The following KRT84 variants were observed in gnomAD, a reference collection of about 807,000 sequenced individuals.
The protein encoded by KRT84 is keratin, type II cuticular Hb4.
A neutral mutation model predicts 49.0 loss-of-function variants in KRT84; 38 were observed. The observed-to-expected ratio is 0.78, with a 90% CI of 0.60 to 1.02. The LOEUF (loss-of-function observed/expected upper bound fraction) is 1.02, where lower values mean the gene tolerates loss of function less well. KRT84 is among the 50% of genes least tolerant of loss of function. The probability of loss-of-function intolerance (pLI) is 0.00; values close to 1 mark genes in which losing one functional copy is unlikely to be tolerated. For missense variants in KRT84, 860 were observed against 788.6 expected (o/e 1.09, Z -1.08); for synonymous variants, 334 against 312.8 (o/e 1.07, Z -0.72).
intron 3 of KRT84, 71 bp from the exon 4 acceptor site, chr12:52,382,603 A>G (rs1939504680): frequency 7.8e-7 from 1 of 1,277,718 alleles, no homozygotes; most frequent in African/African-American, 1.5e-5. Flanking sequence ...GTGTCTGGAG[A>G]TGGGTGCAAA....
chr12:52,385,597 G>C lies in KRT84; in HGVS notation c.-12C>G, dbSNP rs1455225762. On this transcript the variant is annotated 5_prime_UTR_variant, in exon 1 of 9. Transcript: ENST00000257951. ...GAGCGGCAAGACATGATGGCTTCCT[G>C]GTTGGGAGCAAAAGAGCAAGTGTAG... 3.1e-6 allele frequency: 5 copies of C among 1,609,304 alleles called. No individual in the cohort carries two copies. Among genetic ancestry groups the C allele is most frequent in the Non-Finnish European group, 4.2e-6 (5 of 1,177,464 alleles).
At chr12:52,383,172 G>A in intron 2 of KRT84, 107 bp from the exon 3 acceptor site, 2 of 878,206 alleles carry the variant, frequency 2.3e-6, no homozygotes, top group East Asian at 2.4e-5. Flanking sequence ...CAGGATCATG[G>A]TTCCCTATTG....
Position 52,378,030 on chromosome 12 carries a change from GCT to G in KRT84, c.*2_*3del. 6.9e-7 allele frequency: 1 copy of G among 1,455,772 alleles called. No individual in the cohort carries two copies. Among genetic ancestry groups the G allele is most frequent in the Non-Finnish European group, 9.1e-7 (1 of 1,104,676 alleles). The allele number at this position is 1,455,772 out of a possible 1,614,324, so 90.2% of individuals were successfully genotyped here. A position where few individuals can be genotyped will look rare whatever the true frequency, so the allele number is the denominator to read the frequency against. On this transcript the variant is annotated 3_prime_UTR_variant, in exon 9 of 9. Transcript: ENST00000257951. ...CTGGGCAGCAGCTGTCTGGGGCTGG[GCT>G]CTCAGTACTTGGTCCGGCAGGAGGT...
At chr12:52,381,684 A>T (rs946567665) in intron 4 of KRT84, among the ~76,000 whole-genome samples, 159 bp from the exon 5 acceptor site, 5 of 152,190 alleles carry the variant, frequency 3.3e-5, no homozygotes, top group Non-Finnish European at 7.3e-5. Context: ...AGAAAAAGAC[A>T]TGTCTGAGAA....
intron 8 of KRT84, among the ~76,000 whole-genome samples, 158 bp from the exon 9 acceptor site, chr12:52,378,538 CT>C (rs1939427241): frequency 6.6e-6 from 1 of 152,358 alleles, no homozygotes; most frequent in African/African-American, 2.4e-5. Flanking sequence ...TCAGTATACA[CT>C]TTTTCCCTCT....
chr12:52,386,697 G>C (rs965792876), upstream of KRT84, among the ~76,000 whole-genome samples: 3 of 152,048 alleles, frequency 2.0e-5, no homozygotes, highest in African/African-American at 4.8e-5. Context: ...ATGAATCTTT[G>C]GTTAGGATAG....
rs537172708 is a variant in KRT84, at chr12:52,383,628, C to A, written c.717G>T (p.Arg239Ser). ...VSDQARLQAE[R>S]NHLQDVLEGF... ...CCTCTAGGACATCCTGCAGGTGGTTCCTCTCAGCCTGGAGCCGGGCCTGAT... is the reference window on the plus strand; with the variant it reads ...CCTCTAGGACATCCTGCAGGTGGTTACTCTCAGCCTGGAGCCGGGCCTGAT... The change falls in exon 2 of 9, where the codon AGG (arginine) becomes AGT (serine). Residue 239 changes from arginine (R) to serine (S), a missense_variant. Coordinates refer to ENST00000257951, the MANE Select transcript of KRT84 (RefSeq NM_033045.4). 1 of 1,613,750 alleles carries A rather than the reference C, an allele frequency of 6.2e-7. No homozygotes were observed. Among genetic ancestry groups the A allele is most frequent in the Admixed American group, 1.7e-5 (1 of 60,026 alleles).
rs753078744 is a variant in KRT84, at chr12:52,381,408, C to A, written c.1030G>T (p.Val344Leu). 14 of 1,614,198 alleles carry A rather than the reference C, an allele frequency of 8.7e-6. No homozygotes were observed. The South Asian group carries it at 1.2e-4, about 14-fold the overall frequency. ...IAEVKAQYEE[V>L]ARRSRADAEA... ...GCATCAGCCCGGCTGCGCCTGGCCA[C>A]CTCCTCATACTGGGCCTTGACCTCA... The change falls in exon 5 of 9, where the codon GTG becomes TTG. Residue 344 changes from valine to leucine, a missense_variant. Coordinates refer to ENST00000257951, the MANE Select transcript of KRT84 (RefSeq NM_033045.4).
chr12:52,378,424 C>T, intron 8 of KRT84, 44 bp from the exon 9 acceptor site: 1 of 1,388,588 alleles, frequency 7.2e-7, no homozygotes, highest in Non-Finnish European at 9.4e-7. Context: ...ACACCAGGGC[C>T]CTCCACCTCC....
intron 8 of KRT84, among the ~76,000 whole-genome samples, chr12:52,379,495 C>A (rs1422963864): frequency 6.6e-6 from 1 of 152,190 alleles, no homozygotes; most frequent in African/African-American, 2.4e-5. Flanking sequence ...TTCCATTTGG[C>A]CTTATTGCGT....
rs138666354 is a variant in KRT84 at position 52,383,644 on chromosome 12, C to T, written c.701G>A (p.Arg234Gln). The T allele has an allele frequency of 3.9e-3, 6,356 of 1,614,020 alleles. 12 individuals are homozygous for T. Among genetic ancestry groups the T allele is most frequent in the Non-Finnish European group, 4.9e-3 (5,760 of 1,180,044 alleles). Residue 234 changes from arginine to glutamine, a missense_variant, in exon 2 of 9, where the codon CGG (arginine) becomes CAG (glutamine). By Grantham distance (43) the Arg-to-Gln change is conservative. Coordinates refer to ENST00000257951, the MANE Select transcript of KRT84 (RefSeq NM_033045.4). The part of the protein sequence containing the change: ...QLEVLVSDQA[R>Q]LQAERNHLQD... ...CAGGTGGTTCCTCTCAGCCTGGAGC[C>T]GGGCCTGATCACTGACCAGCACCTC...
Position 52,378,317 on chromosome 12 carries a change from A to C in KRT84, c.1520T>G (p.Leu507Arg). 1 of 1,533,248 alleles carries C rather than the reference A, an allele frequency of 6.5e-7. No individual in the cohort carries two copies. The highest frequency in any genetic ancestry group is 8.8e-7 in the Non-Finnish European group (1 of 1,142,834). The allele number at this position is 1,533,248 out of a possible 1,614,324, so 95.0% of individuals were successfully genotyped here. Residue 507 changes from leucine (L) to arginine (R), a missense_variant, in exon 9 of 9, where the codon CTC becomes CGC. Physicochemically the swap from Leu to Arg is moderately radical, Grantham distance 102. Coordinates refer to ENST00000257951, the MANE Select transcript of KRT84 (RefSeq NM_033045.4). ...GPEPLVAGST[L>R]SRGGVTFSGS... The stretch of plus-strand genomic sequence containing the variant: ...TGAGAAGGTGACCCCGCCGCGGGAG[A>C]GGGTGGAGCCGGCAACCAAAGGCTC...
In KRT84 at chr12:52,378,417, C is replaced by T. The variant is rs901253101; in HGVS notation, c.1457-37G>A. On this transcript the variant is annotated intron_variant, in intron 8 of 8. Transcript: ENST00000257951. ...GAAAGCATCAGGGAGGCTGCCGACA[C>T]CAGGGCCCTCCACCTCCATGCTACC... The T allele has an allele frequency of 7.1e-6, 10 of 1,406,026 alleles. No homozygotes were observed. The African/African-American group carries it at 1.3e-4, about 19-fold the overall frequency. 87.1% of individuals were successfully genotyped at this position (1,406,026 alleles called of 1,614,324 possible).
At position 52,385,270 on chromosome 12, in the gene KRT84, C is replaced by G; in HGVS notation, c.316G>C (p.Gly106Arg). Residue 106 changes from glycine (G) to arginine (R), a missense_variant, in exon 1 of 9, where the codon GGC (glycine) becomes CGC (arginine). Coordinates refer to ENST00000257951, the MANE Select transcript of KRT84 (RefSeq NM_033045.4). ...GPRADSCVGL[G>R]FGAGSGIGYG... ...CCAATGCCACTGCCAGCTCCAAAGC[C>G]CAGACCAACACAGCTGTCAGCCCTA... The G allele has an allele frequency of 1.2e-6, 2 of 1,614,126 alleles. No homozygotes were observed. Among genetic ancestry groups the G allele is most frequent in the East Asian group, 2.2e-5 (1 of 44,874 alleles).
rs369607220 is a variant in KRT84, at chr12:52,378,074, C to A, written c.1763G>T (p.Arg588Leu). Reference sequence around the variant, plus strand: ...GCAGGAGGTGGTGGTGGACACAAAGCGGACGCTGGAGCTGCGGCCGCCGCT... The same window carrying A: ...GCAGGAGGTGGTGGTGGACACAAAGAGGACGCTGGAGCTGCGGCCGCCGCT... ...SCSGGRSSSV[R>L]FVSTTTSCRT... The change falls in exon 9 of 9, where the codon CGC (arginine) becomes CTC (leucine). Residue 588 changes from arginine (R) to leucine (L), a missense_variant. Arg to Leu is a moderately radical substitution (Grantham distance 102). Coordinates refer to ENST00000257951, the MANE Select transcript of KRT84 (RefSeq NM_033045.4). The A allele has an allele frequency of 1.9e-5, 28 of 1,495,590 alleles. 1 individual carries two copies. Among genetic ancestry groups the A allele is most frequent in the Non-Finnish European group, 2.5e-5 (28 of 1,126,482 alleles). 92.6% of individuals were successfully genotyped at this position (1,495,590 alleles called of 1,614,324 possible). A position where few individuals can be genotyped will look rare whatever the true frequency, so the allele number is the denominator to read the frequency against.
chr12:52,385,943 C>G (rs1268613746), upstream of KRT84, among the ~76,000 whole-genome samples: 2 of 152,154 alleles, frequency 1.3e-5, no homozygotes, highest in Non-Finnish European at 2.9e-5. Context: ...CATTAATTTG[C>G]TTTGGTCATA....
rs139859621 is a variant in KRT84 at position 52,385,229 on chromosome 12, G to A, written c.357C>T (p.Gly119=). 3.1e-6 allele frequency: 5 copies of A among 1,613,576 alleles called. No homozygotes were observed. Among genetic ancestry groups the A allele is most frequent in the African/African-American group, 1.3e-5 (1 of 74,842 alleles). The change falls in exon 1 of 9, where the codon GGC becomes GGT. Residue 119 remains glycine, a synonymous_variant. Coordinates refer to ENST00000257951, the MANE Select transcript of KRT84 (RefSeq NM_033045.4). The part of the protein sequence containing the change: ...AGSGIGYGFG[G]PGFGYRVGGV... ...CTCCAACTCTGTAACCAAAGCCAGG[G>A]CCACCAAAGCCATAGCCAATGCCAC...
rs756877125 is a variant in KRT84 at position 52,379,865 on chromosome 12, A to G, written c.1456+11T>C. Reference sequence around the variant, plus strand: ...GAGAAATGTGTGAAGAGGAAAAAACAAGTTTCTTACATATGTTTACTGGTC... The same window carrying G: ...GAGAAATGTGTGAAGAGGAAAAAACGAGTTTCTTACATATGTTTACTGGTC... On this transcript the variant is annotated intron_variant, in intron 8 of 8. Transcript: ENST00000257951. 1.2e-6 allele frequency: 2 copies of G among 1,608,224 alleles called. No individual in the cohort carries two copies. Among genetic ancestry groups the G allele is most frequent in the African/African-American group, 2.7e-5 (2 of 74,658 alleles).
intron 1 of KRT84, 137 bp from the exon 2 acceptor site, chr12:52,383,935 C>T: frequency 1.4e-6 from 1 of 697,536 alleles, no homozygotes; most frequent in South Asian, 1.8e-5. Flanking sequence ...CATTCCTCCA[C>T]TAACTCAGCA....
Sources: gnomAD v4.1 joint callset for allele counts (sites outside exome capture counted in the v4.1 genomes callset) on GRCh38, gnomAD v4.1.1 for gene constraint, MANE v1.5 for transcripts, NCBI Gene and HGNC (gene_info 2026-07-23, HGNC 2026-07-21) for gene names.